The following TBPL2 variants were observed in gnomAD, a reference collection of about 807,000 sequenced individuals.
The protein encoded by TBPL2 is TATA-box binding protein like 2.
TBPL2 carries 40 observed loss-of-function variants against 38.2 expected under a neutral mutation model. That is an observed-to-expected ratio of 1.05 (90% CI 0.81 to 1.36). The LOEUF is 1.36. Ranked by LOEUF, TBPL2 falls within the 40% of genes most tolerant of loss-of-function variation. The pLI, the probability that TBPL2 is intolerant of heterozygous loss-of-function variation, is 0.00. For missense variants in TBPL2, 461 were observed against 456.7 expected, an observed-to-expected ratio of 1.01 and a Z score of -0.09; for synonymous variants, 169 against 171.7, an observed-to-expected ratio of 0.98 and a Z score of 0.12.
exon 7 of TBPL2, chr14:55,414,287 T>C: frequency 1.0e-6 from 1 of 968,894 alleles, no homozygotes; most frequent in Admixed American, 2.4e-5. Context: ...ACTTGTAACA[T>C]CTACAATTAA....
chr14:55,436,712 T>A lies in TBPL2; in HGVS notation c.457A>T (p.Asn153Tyr), dbSNP rs1458960263. ...CCAGGGTGCAGCTGTGAATGGGAATTTGACAAACTGCTGCTGTTTAAGCCC... is the reference window on the plus strand; with the variant it reads ...CCAGGGTGCAGCTGTGAATGGGAATATGACAAACTGCTGCTGTTTAAGCCC... The change falls in exon 2 of 7, where the codon AAT becomes TAT. Residue 153 changes from asparagine to tyrosine, a missense_variant. Coordinates refer to ENST00000247219, the Ensembl canonical transcript of TBPL2. 14 of 1,614,152 alleles carry A rather than the reference T, an allele frequency of 8.7e-6. No homozygotes were observed. The highest frequency in any genetic ancestry group is 1.2e-5 in the Non-Finnish European group (14 of 1,180,028).
chr14:55,422,500 C>G (rs1001826625), intron 6 of TBPL2, among the ~76,000 whole-genome samples: 1 of 152,164 alleles, frequency 6.6e-6, no homozygotes, highest in Non-Finnish European at 1.5e-5. Context: ...TCGCCTGCCT[C>G]GGCCTCCCGA....
chr14:55,427,491 T>C (rs1267832768), intron 5 of TBPL2, among the ~76,000 whole-genome samples: 1 of 152,198 alleles, frequency 6.6e-6, no homozygotes, highest in Non-Finnish European at 1.5e-5. Flanking sequence ...ATCTACTCTA[T>C]TGACGGGATA....
intron 6 of TBPL2, among the ~76,000 whole-genome samples, chr14:55,419,473 G>A (rs1885712285): frequency 6.6e-6 from 1 of 152,068 alleles, no homozygotes; most frequent in Non-Finnish European, 1.5e-5. Flanking sequence ...ATTTTACTGT[G>A]GTTTAAGAAA....
rs1885748816 is a variant in TBPL2 at position 55,421,788 on chromosome 14, AATT to A, written c.1051+2368_1051+2370del. ...ACTTTCCCCTCTTTGAAGACACATT[AATT>A]ATTTCTTAAAGAAAAGCAAACTATA... is the stretch of plus-strand genomic sequence containing the variant. On this transcript the variant is annotated intron_variant, in intron 6 of 6. Transcript: ENST00000247219. Among the ~76,000 whole-genome samples the A allele has an allele frequency of 7.2e-5, 11 of 152,306 alleles. No homozygotes were observed. The East Asian group carries it at 2.1e-3, about 29-fold the overall frequency.
intron 5 of TBPL2, among the ~76,000 whole-genome samples, chr14:55,426,351 C>A (rs976983703): frequency 1.4e-4 from 21 of 151,820 alleles, no homozygotes; most frequent in African/African-American, 4.8e-4. Flanking sequence ...AGAAAGATTA[C>A]CAGAGAAAGT....
chr14:55,427,117 A>G (rs1885838198), intron 5 of TBPL2, among the ~76,000 whole-genome samples: 1 of 152,224 alleles, frequency 6.6e-6, no homozygotes, highest in Non-Finnish European at 1.5e-5. Flanking sequence ...AAGCACTGGG[A>G]GACTCTTAGA....
At chr14:55,438,889 T>C (rs982317219) in intron 1 of TBPL2, 1 of 118,072 alleles carries the variant, frequency 8.5e-6, no homozygotes, top group East Asian at 2.4e-4. Context: ...ATTGTCTTTA[T>C]AAAAAAATTC....
chr14:55,431,340 G>A (rs1885922142), intron 4 of TBPL2, among the ~76,000 whole-genome samples: 1 of 152,220 alleles, frequency 6.6e-6, no homozygotes, highest in South Asian at 2.1e-4. Context: ...TCATGAATGT[G>A]TGTAATATGT....
intron 6 of TBPL2, among the ~76,000 whole-genome samples, chr14:55,416,562 C>T (rs960315505): frequency 6.6e-6 from 1 of 152,172 alleles, no homozygotes; most frequent in African/African-American, 2.4e-5. Flanking sequence ...GTTACTGACA[C>T]ACATAAGAGA....
intron 2 of TBPL2, 29 bp downstream of exon 2, chr14:55,436,532 G>C: frequency 6.3e-7 from 1 of 1,579,538 alleles, no homozygotes; most frequent in Non-Finnish European, 8.7e-7. Context: ...TACCCAATGT[G>C]CTCAATTAAA....
At chr14:55,430,470 GATCATAGC>G (rs1885908730) in intron 4 of TBPL2, among the ~76,000 whole-genome samples, 1 of 149,436 alleles carries the variant, frequency 6.7e-6, no homozygotes, top group Non-Finnish European at 1.5e-5. Context: ...GCAGTGGCAT[GATCATAGC>G]TCACTGCAGC....
chr14:55,415,228 A>G (rs372000009), intron 6 of TBPL2, among the ~76,000 whole-genome samples: 2 of 152,224 alleles, frequency 1.3e-5, no homozygotes, highest in African/African-American at 4.8e-5. Flanking sequence ...TTAATCTGAT[A>G]TTTTGTGGGC....
At position 55,428,985 on chromosome 14, in the gene TBPL2, G is replaced by T; in HGVS notation, c.789-11C>A. ...CGAGACTGCTCTTCACTGGGGAGGG[G>T]CAAATATGTTTAAAGATGTCTTAAT... is the stretch of plus-strand genomic sequence containing the variant. On this transcript the variant is annotated splice_polypyrimidine_tract_variant and intron_variant, in intron 4 of 6. Transcript: ENST00000247219. 6.2e-7 allele frequency: 1 copy of T among 1,613,510 alleles called. No individual in the cohort carries two copies. The highest frequency in any genetic ancestry group is 8.5e-7 in the Non-Finnish European group (1 of 1,179,848).
At chr14:55,427,879 GCT>G (rs1491219975) in intron 5 of TBPL2, among the ~76,000 whole-genome samples, 1 of 145,868 alleles carries the variant, frequency 6.9e-6, no homozygotes, top group African/African-American at 2.5e-5. Context: ...AGTTAGGATT[GCT>G]TTTTTTTTTT....
At chr14:55,435,304 G>A (rs1885996040) in intron 3 of TBPL2, among the ~76,000 whole-genome samples, 1 of 148,616 alleles carries the variant, frequency 6.7e-6, no homozygotes, top group African/African-American at 2.5e-5. Flanking sequence ...TGGAGACGGA[G>A]TCTCGCTGTT....
chr14:55,432,181 G>T (rs1273323190), intron 4 of TBPL2, among the ~76,000 whole-genome samples: 1 of 150,970 alleles, frequency 6.6e-6, no homozygotes, highest in Non-Finnish European at 1.5e-5. Context: ...ACCAAGGTGG[G>T]AGGACTACTT....
At chr14:55,421,323 TC>T (rs1313239995) in intron 6 of TBPL2, among the ~76,000 whole-genome samples, 1 of 152,198 alleles carries the variant, frequency 6.6e-6, no homozygotes, top group Non-Finnish European at 1.5e-5. Flanking sequence ...TCTCACTTCC[TC>T]TAGGACATGT....
intron 5 of TBPL2, among the ~76,000 whole-genome samples, chr14:55,425,320 A>C (rs8003684): frequency 0.28 from 42,461 of 151,802 alleles, 7,661 homozygotes; most frequent in African/African-American, 0.52. Context: ...GCCCTGAAAA[A>C]CCCTCCAGGG....
Sources: gnomAD v4.1 joint callset for allele counts (sites outside exome capture counted in the v4.1 genomes callset) on GRCh38, gnomAD v4.1.1 for gene constraint, MANE v1.5 for transcripts, NCBI Gene and HGNC (gene_info 2026-07-23, HGNC 2026-07-21) for gene names.